Variants in NLRP1 observed in about 807,000 individuals in gnomAD.
NLRP1 encodes NLR family pyrin domain containing 1, also known as NACHT, LRR and PYD domains-containing protein 1.
Under a neutral mutation model 136.7 loss-of-function variants are expected in NLRP1, and 94 were observed. That is an observed-to-expected ratio of 0.69 (90% CI 0.58 to 0.82). The LOEUF (loss-of-function observed/expected upper bound fraction) is 0.82, where lower values mean the gene tolerates loss of function less well. NLRP1 is among the 40% of genes least tolerant of loss of function. The probability of loss-of-function intolerance (pLI) is 0.00; values close to 1 mark genes in which losing one functional copy is unlikely to be tolerated. For missense variants in NLRP1, 1,575 were observed against 1,802.7 expected (o/e 0.87, Z 2.29); for synonymous variants, 690 against 725.1 (o/e 0.95, Z 0.78).
chr17:5,579,241 C>A (rs1272864679), intron 3 of NLRP1, among the ~76,000 whole-genome samples: 1 of 148,370 alleles, frequency 6.7e-6, no homozygotes, highest in African/African-American at 2.5e-5. Flanking sequence ...GCACATGTAC[C>A]CTAGAACTTA....
chr17:5,518,860 A>T (rs1263927901), intron 14 of NLRP1, among the ~76,000 whole-genome samples: 3 of 144,446 alleles, frequency 2.1e-5, no homozygotes, highest in Non-Finnish European at 3.0e-5. Flanking sequence ...TTTTTTTGAG[A>T]CAGGGTCTTG....
intron 3 of NLRP1, among the ~76,000 whole-genome samples, chr17:5,568,382 T>G (rs1246297012): frequency 6.6e-6 from 1 of 152,204 alleles, no homozygotes; most frequent in Non-Finnish European, 1.5e-5. Flanking sequence ...TTGAATTTTT[T>G]CAGCTCCAGA....
intron 14 of NLRP1, 81 bp from the exon 15 acceptor site, chr17:5,517,968 G>A: frequency 1.4e-6 from 2 of 1,413,676 alleles, no homozygotes; most frequent in South Asian, 2.4e-5. Context: ...TCTTGGCCCT[G>A]CTTGGCTCCA....
At chr17:5,573,387 G>A (rs1904644424) in intron 3 of NLRP1, among the ~76,000 whole-genome samples, 1 of 152,158 alleles carries the variant, frequency 6.6e-6, no homozygotes, top group South Asian at 2.1e-4. Context: ...TCCACCTCTG[G>A]GGGCAGGGCA....
intron 3 of NLRP1, among the ~76,000 whole-genome samples, chr17:5,571,266 G>T (rs1915833045): frequency 1.3e-5 from 2 of 152,080 alleles, no homozygotes; most frequent in Admixed American, 6.6e-5. Flanking sequence ...AGAGCAATCA[G>T]GTAAGAGAAA....
chr17:5,527,771 A>T (rs1457653011), intron 12 of NLRP1, among the ~76,000 whole-genome samples: 1 of 152,156 alleles, frequency 6.6e-6, no homozygotes, highest in East Asian at 1.9e-4. Context: ...TCCTATTCTG[A>T]TTTGGCTGTC....
downstream of NLRP1, among the ~76,000 whole-genome samples, chr17:5,513,254 A>T (rs995023373): frequency 1.3e-5 from 2 of 151,568 alleles, no homozygotes; most frequent in East Asian, 1.9e-4. Flanking sequence ...CTGATCTCTT[A>T]TTTTTTTCTT....
In NLRP1 at chr17:5,533,551, G is replaced by GTTTTTTTTTTTTTTTTTT. The variant is rs35006823; in HGVS notation, c.3053-185_3053-168dup. The stretch of plus-strand genomic sequence containing the variant: ...AGCCTGAACACTAGAGTGAGACTCT[G>GTTTTTTTTTTTTTTTTTT]TTTTTTTTTTTTTTTTTTTTTTTTT... On this transcript the variant is annotated intron_variant, in intron 9 of 16. Transcript: ENST00000572272. Among the ~76,000 whole-genome samples the GTTTTTTTTTTTTTTTTTT allele has an allele frequency of 1.1e-3, 96 of 90,026 alleles. 2 individuals are homozygous for GTTTTTTTTTTTTTTTTTT. The highest frequency in any genetic ancestry group is 1.7e-3 in the Non-Finnish European group (79 of 47,068). The allele number at this position is 90,026 out of a possible 152,430, so 59.1% of individuals were successfully genotyped here.
At chr17:5,560,460 T>C (rs1914610435) in intron 3 of NLRP1, among the ~76,000 whole-genome samples, 1 of 152,192 alleles carries the variant, frequency 6.6e-6, no homozygotes, top group Admixed American at 6.5e-5. Context: ...CACTGGAGTG[T>C]GTAGCAGATG....
At chr17:5,515,140 C>T (rs531625922) in intron 16 of NLRP1, 67 bp from the exon 17 acceptor site, 48 of 1,380,580 alleles carry the variant, frequency 3.5e-5, no homozygotes, top group Non-Finnish European at 4.3e-5. Flanking sequence ...CAGTGCTTTC[C>T]TCTCTCATCT....
Position 5,517,775 on chromosome 17 carries a change from G to T in NLRP1, c.4028C>A (p.Thr1343Asn). The T allele has an allele frequency of 6.2e-7, 1 of 1,614,166 alleles. No individual in the cohort carries two copies. Among genetic ancestry groups the T allele is most frequent in the South Asian group, 1.1e-5 (1 of 91,082 alleles). Residue 1343 changes from threonine (T) to asparagine (N), a missense_variant, in exon 15 of 17, where the codon ACT (threonine) becomes AAT (asparagine). Transcript: ENST00000572272. ...TTTCACCAAGGCCTCCCACACCAGAGTCTCATCTTTCTTGTCTTTCACTTG... is the reference window on the plus strand; with the variant it reads ...TTTCACCAAGGCCTCCCACACCAGATTCTCATCTTTCTTGTCTTTCACTTG... ...RLQVKDKKDETLVWEALVKPG... is the reference protein window; with the variant it reads ...RLQVKDKKDENLVWEALVKPG...
At chr17:5,503,192 G>T (rs1043378181) in intron 15 of NLRP1, 18 of 152,502 alleles carry the variant, frequency 1.2e-4, no homozygotes, top group African/African-American at 4.1e-4. Flanking sequence ...AGGGTGTGTA[G>T]GGTGCAATGA....
intron 12 of NLRP1, among the ~76,000 whole-genome samples, chr17:5,525,696 C>A (rs148313857): frequency 6.6e-6 from 1 of 152,226 alleles, no homozygotes. Context: ...AGCAAGGGTT[C>A]TTACCAACTG....
chr17:5,582,342 T>TC (rs1905763641), intron 2 of NLRP1, among the ~76,000 whole-genome samples: 1 of 151,884 alleles, frequency 6.6e-6, no homozygotes, highest in South Asian at 2.1e-4. Flanking sequence ...ACCCTAAGGA[T>TC]CTTCAGAGCC....
chr17:5,576,995 C>G (rs1402752824), intron 3 of NLRP1, among the ~76,000 whole-genome samples: 2 of 152,122 alleles, frequency 1.3e-5, no homozygotes. Context: ...CATATAAACA[C>G]AACCAAAGAC....
chr17:5,538,767 T>C (rs1911436942), intron 7 of NLRP1, among the ~76,000 whole-genome samples: 1 of 152,210 alleles, frequency 6.6e-6, no homozygotes, highest in African/African-American at 2.4e-5. Context: ...AGCGCTGCCC[T>C]GGAGTGAGGG....
chr17:5,516,343 G>A (rs1908114393), intron 15 of NLRP1, among the ~76,000 whole-genome samples: 1 of 152,168 alleles, frequency 6.6e-6, no homozygotes, highest in South Asian at 2.1e-4. Flanking sequence ...TGACTGGATG[G>A]CAAAGAATTT....
intron 12 of NLRP1, among the ~76,000 whole-genome samples, chr17:5,524,412 G>C (rs1317236952): frequency 3.3e-5 from 5 of 152,290 alleles, no homozygotes; most frequent in African/African-American, 1.2e-4. Flanking sequence ...TGTTGAGTTT[G>C]CTTCCAACTT....
At position 5,559,701 on chromosome 17, in the gene NLRP1, AG is replaced by A. The variant is rs1317603303; in HGVS notation, c.994del (p.Leu332CysfsTer16). The A allele has an allele frequency of 4.3e-6, 7 of 1,614,154 alleles. No individual in the cohort carries two copies. The highest frequency in any genetic ancestry group is 5.9e-6 in the Non-Finnish European group (7 of 1,180,058). On this transcript the variant is annotated frameshift_variant, in exon 4 of 17. Transcript: ENST00000572272. LOFTEE classifies it high-confidence loss of function. The part of the protein sequence containing the change: ...LDTQEPRIVI[L>X]QGAAGIGKST... The stretch of plus-strand genomic sequence containing the variant: ...CTTCCCAATTCCAGCAGCCCCCTGC[AG>A]TATGACTATGCGAGGTTCTTGGGTA...
Sources: allele counts gnomAD v4.1 joint callset (sites outside exome capture counted in the v4.1 genomes callset), GRCh38; gene constraint gnomAD v4.1.1; transcripts MANE v1.5; gene names NCBI Gene and HGNC (gene_info 2026-07-23, HGNC 2026-07-21).